Variants in HKDC1 observed in about 807,000 individuals in gnomAD.
The protein encoded by HKDC1 is hexokinase HKDC1.
In HKDC1, 66 loss-of-function variants were observed where a neutral mutation model predicts 96.6. That is an observed-to-expected ratio of 0.68 (90% CI 0.56 to 0.84). HKDC1 has a LOEUF of 0.84. Among genes scored for constraint, HKDC1 ranks in the 40% least tolerant of loss-of-function variants. The pLI is 0.00. For synonymous variants in HKDC1, 466 were observed against 473.1 expected (o/e 0.98, Z 0.20); for missense variants, 1,211 against 1,208.1 (o/e 1.00, Z -0.04).
chr10:69,234,901 A>C (rs200806647), intron 4 of HKDC1, among the ~76,000 whole-genome samples: 2 of 152,382 alleles, frequency 1.3e-5, no homozygotes, highest in East Asian at 3.9e-4. Flanking sequence ...CATCATCTAT[A>C]CAGGGGACAG....
At chr10:69,224,062 G>C (rs911674391) in intron 1 of HKDC1, among the ~76,000 whole-genome samples, 9 of 150,370 alleles carry the variant, frequency 6.0e-5, no homozygotes, top group Non-Finnish European at 8.9e-5. Context: ...GCAAAAATTA[G>C]CTGGGCATGG....
chr10:69,248,288 TC>T, intron 9 of HKDC1, 135 bp from the exon 10 acceptor site: 1 of 813,936 alleles, frequency 1.2e-6, no homozygotes, highest in South Asian at 1.9e-5. Flanking sequence ...TCCCCTCCCC[TC>T]CCTACCATCA....
chr10:69,239,689 C>T (rs961930778), intron 5 of HKDC1, among the ~76,000 whole-genome samples: 1 of 152,154 alleles, frequency 6.6e-6, no homozygotes, highest in Non-Finnish European at 1.5e-5. Context: ...TGCTGCATAG[C>T]CTTCCAGCCT....
At chr10:69,248,988 G>A (rs1426562368) in intron 10 of HKDC1, 1 of 423,772 alleles carries the variant, frequency 2.4e-6, no homozygotes, top group African/African-American at 2.0e-5. Context: ...TGTGTGTGTA[G>A]ATGAGAACAT....
rs750588834 is a variant in HKDC1, at chr10:69,258,970, T to C, written c.2216+11T>C. ...TCCTGGCAAGCAGAGGTGAAGAGGGTGGATGTGTGCATTTATGTGGGTTGT... is the reference window on the plus strand; with the variant it reads ...TCCTGGCAAGCAGAGGTGAAGAGGGCGGATGTGTGCATTTATGTGGGTTGT... On this transcript the variant is annotated intron_variant, in intron 15 of 17. Transcript: ENST00000354624. The C allele has an allele frequency of 2.1e-5, 33 of 1,539,534 alleles. No homozygotes were observed. The highest frequency in any genetic ancestry group is 2.9e-5 in the Non-Finnish European group (33 of 1,146,540).
rs75352473 is a variant in HKDC1 at position 69,247,104 on chromosome 10, G to C, written c.1032-256G>C. On this transcript the variant is annotated intron_variant, in intron 8 of 17. Coordinates refer to ENST00000354624, the MANE Select transcript of HKDC1 (RefSeq NM_025130.4). The stretch of plus-strand genomic sequence containing the variant: ...TCTCTCATCTGTACGACAGGGTAAT[G>C]ACGGTGCCTCCCGCAGGATTTTTGT... Among the ~76,000 whole-genome samples, 1,314 of 152,352 alleles carry C rather than the reference G, an allele frequency of 8.6e-3. 25 individuals carry two copies. Among genetic ancestry groups the C allele is most frequent in the African/African-American group, 0.03 (1,240 of 41,582 alleles).
intron 16 of HKDC1, chr10:69,262,085 C>A: frequency 2.3e-6 from 1 of 440,582 alleles, no homozygotes; most frequent in Non-Finnish European, 4.5e-6. Flanking sequence ...ATGCATATTG[C>A]CTGGATCTAT....
At chr10:69,232,648 T>A (rs2132339500) in intron 2 of HKDC1, 116 bp from the exon 3 acceptor site, 2 of 957,570 alleles carry the variant, frequency 2.1e-6, no homozygotes, top group East Asian at 4.8e-5. Context: ...ATGAGCATAA[T>A]GATACCTAGT....
intron 12 of HKDC1, among the ~76,000 whole-genome samples, chr10:69,253,172 G>C (rs1401185303): frequency 6.6e-6 from 1 of 152,186 alleles, no homozygotes; most frequent in Non-Finnish European, 1.5e-5. Flanking sequence ...GAGCTTAGAA[G>C]TGGGGACTAG....
chr10:69,248,321 G>T (rs565982952), intron 9 of HKDC1, 103 bp from the exon 10 acceptor site: 3 of 1,188,470 alleles, frequency 2.5e-6, no homozygotes, highest in African/African-American at 3.1e-5. Flanking sequence ...GCTGAGCCCC[G>T]CCCCGCAGGG....
chr10:69,233,090 G>C lies in HKDC1; in HGVS notation c.452G>C (p.Gly151Ala). Reference sequence around the variant, plus strand: ...TTAAAGCATAAGAAATTGCCCCTTGGCCTAACTTTTTCTTTCCCCTGTCGA... The same window carrying C: ...TTAAAGCATAAGAAATTGCCCCTTGCCCTAACTTTTTCTTTCCCCTGTCGA... ...KDLKHKKLPL[G>A]LTFSFPCRQT... The change falls in exon 4 of 18, where the codon GGC (glycine) becomes GCC (alanine). Residue 151 changes from glycine to alanine, a missense_variant. Transcript: ENST00000354624. 6.2e-7 allele frequency: 1 copy of C among 1,614,152 alleles called. No homozygotes were observed. The highest frequency in any genetic ancestry group is 1.1e-5 in the South Asian group (1 of 91,086).
chr10:69,255,268 T>A (rs1436906422), intron 12 of HKDC1, among the ~76,000 whole-genome samples: 1 of 152,260 alleles, frequency 6.6e-6, no homozygotes, highest in African/African-American at 2.4e-5. Flanking sequence ...TTTTGTGTAA[T>A]TGCAATCAGT....
At chr10:69,233,217 A>G (rs773316699) in intron 4 of HKDC1, 84 bp downstream of exon 4, 2 of 1,533,582 alleles carry the variant, frequency 1.3e-6, no homozygotes, top group African/African-American at 2.8e-5. Context: ...CACGCAGGAG[A>G]GAACAGCAGG....
intron 16 of HKDC1, among the ~76,000 whole-genome samples, chr10:69,263,556 A>G (rs924095510): frequency 2.6e-5 from 4 of 152,200 alleles, no homozygotes; most frequent in Non-Finnish European, 4.4e-5. Context: ...CTGAATTTAC[A>G]GTCTTAGAGC....
rs115641274 is a variant in HKDC1 at position 69,258,486 on chromosome 10, G to A, written c.2033-290G>A. Among the ~76,000 whole-genome samples, 258 of 152,210 alleles carry A rather than the reference G, an allele frequency of 1.7e-3. 1 individual carries two copies. The highest frequency in any genetic ancestry group is 6.1e-3 in the African/African-American group (254 of 41,508). On this transcript the variant is annotated intron_variant, in intron 14 of 17. Transcript: ENST00000354624. ...CAAAGATAATGATGATGATGATGAT[G>A]ATGAAGTCAGCAGGTACCGTTTATT...
chr10:69,227,360 G>A lies in HKDC1; in HGVS notation c.217G>A (p.Asp73Asn), dbSNP rs754115538. 10 of 1,614,002 alleles carry A rather than the reference G, an allele frequency of 6.2e-6. No individual in the cohort carries two copies. The highest frequency in any genetic ancestry group is 5.0e-5 in the Admixed American group (3 of 59,998). ...GCCCACCTTCGTCAGGGCCATTCCC[G>A]ATGGTTCCGGTGAGTGCAGTTGTCC... ...MLPTFVRAIP[D>N]GSENGEFLSL... The change falls in exon 2 of 18, where the codon GAT (aspartate) becomes AAT (asparagine). Residue 73 changes from aspartate (D) to asparagine (N), a missense_variant. Transcript: ENST00000354624.
At chr10:69,260,101 G>A (rs927545927) in intron 15 of HKDC1, among the ~76,000 whole-genome samples, 5 of 152,166 alleles carry the variant, frequency 3.3e-5, no homozygotes, top group African/African-American at 1.2e-4. Flanking sequence ...GAAAATAATG[G>A]GAAACATAGA....
chr10:69,257,228 T>G, intron 13 of HKDC1, 97 bp downstream of exon 13: 1 of 1,446,180 alleles, frequency 6.9e-7, no homozygotes, highest in Non-Finnish European at 9.7e-7. Flanking sequence ...CTCTGGCCTC[T>G]GTCTGCCTTG....
At chr10:69,232,024 C>T (rs1843269500) in intron 2 of HKDC1, among the ~76,000 whole-genome samples, 1 of 152,104 alleles carries the variant, frequency 6.6e-6, no homozygotes, top group Admixed American at 6.5e-5. Context: ...TACAGACCAG[C>T]AACAGCAGCA....
Sources: gnomAD v4.1 joint callset for allele counts (sites outside exome capture counted in the v4.1 genomes callset) on GRCh38, gnomAD v4.1.1 for gene constraint, MANE v1.5 for transcripts, NCBI Gene and HGNC (gene_info 2026-07-23, HGNC 2026-07-21) for gene names.